The following CDC42SE2 variants were observed in gnomAD, a reference collection of about 807,000 sequenced individuals.
CDC42SE2 encodes the protein CDC42 small effector protein 2.
CDC42SE2 carries 3 observed loss-of-function variants against 11.5 expected under a neutral mutation model. The ratio of observed to expected loss-of-function variants is 0.26; its 90% CI spans 0.12 to 0.67. The LOEUF (loss-of-function observed/expected upper bound fraction) is 0.67. CDC42SE2 is among the 30% of genes least tolerant of loss of function. CDC42SE2 has a pLI of 0.80. For synonymous variants in CDC42SE2, 33 were observed against 34.8 expected (o/e 0.95, Z 0.18); for missense variants, 82 against 106.8 (o/e 0.77, Z 1.02).
the CDC42SE2 span, among the ~76,000 whole-genome samples, chr5:131,237,085 C>T: frequency 6.6e-6 from 1 of 152,158 alleles, no homozygotes; most frequent in African/African-American, 2.4e-5. Flanking sequence ...GCAGGGATCA[C>T]CTCATTTTAA....
intron 2 of CDC42SE2, among the ~76,000 whole-genome samples, chr5:131,344,612 A>C (rs913330796): frequency 6.6e-6 from 1 of 152,288 alleles, no homozygotes; most frequent in African/African-American, 2.4e-5. Flanking sequence ...AAACTTCTGC[A>C]CACTTAAACG....
intron 3 of CDC42SE2, among the ~76,000 whole-genome samples, chr5:131,367,554 C>T (rs1749895783): frequency 6.6e-6 from 1 of 152,114 alleles, no homozygotes; most frequent in Non-Finnish European, 1.5e-5. Context: ...GGTGGGATTT[C>T]ATGGTATTGT....
chr5:131,282,554 C>T (rs10478980), intron 1 of CDC42SE2, among the ~76,000 whole-genome samples: 116,644 of 151,668 alleles, frequency 0.77, 45,195 homozygotes, highest in African/African-American at 0.82. Context: ...TTTTTTTCTT[C>T]TTTGGGGGGA....
In CDC42SE2 at chr5:131,362,133, A is replaced by G. The variant is rs531024915; in HGVS notation, c.54+2586A>G. Reference sequence around the variant, plus strand: ...GCCATGGACCTGCCTTTCTCTACCCAGCACTTCCCTGTTCCCACTCCCATA... The same window carrying G: ...GCCATGGACCTGCCTTTCTCTACCCGGCACTTCCCTGTTCCCACTCCCATA... On this transcript the variant is annotated intron_variant, in intron 3 of 4. Coordinates refer to ENST00000505065, the MANE Select transcript of CDC42SE2 (RefSeq NM_001375635.1). Among the ~76,000 whole-genome samples, 7 of 152,068 alleles carry G rather than the reference A, an allele frequency of 4.6e-5. No homozygotes were observed. The South Asian group carries it at 1.5e-3, about 32-fold the overall frequency.
chr5:131,278,746 T>C (rs1377216131), intron 1 of CDC42SE2, among the ~76,000 whole-genome samples: 3 of 2,022 alleles, frequency 1.5e-3, no homozygotes, highest in Admixed American at 7.4e-3. Flanking sequence ...CCCCTCCCCC[T>C]CCCCTCCCCT....
At chr5:131,252,218 A>C (rs1305651256) in intron 1 of CDC42SE2, among the ~76,000 whole-genome samples, 1 of 152,206 alleles carries the variant, frequency 6.6e-6, no homozygotes, top group Non-Finnish European at 1.5e-5. Flanking sequence ...GACTATTTTA[A>C]AGTTCAAAGG....
chr5:131,245,623 T>C (rs1414379918), intron 1 of CDC42SE2: 4 of 152,224 alleles, frequency 2.6e-5, no homozygotes, highest in Non-Finnish European at 4.4e-5. Flanking sequence ...GTTATTCTCA[T>C]AATGTAATGG....
chr5:131,312,232 G>A (rs548824220), intron 1 of CDC42SE2, among the ~76,000 whole-genome samples: 30 of 151,954 alleles, frequency 2.0e-4, no homozygotes, highest in African/African-American at 7.2e-4. Flanking sequence ...CCCTGCTGGG[G>A]GGTGCCTCCC....
At chr5:131,314,437 C>T (rs1005774162) in intron 1 of CDC42SE2, among the ~76,000 whole-genome samples, 2 of 151,984 alleles carry the variant, frequency 1.3e-5, no homozygotes, top group African/African-American at 2.4e-5. Context: ...GACAGGGTCT[C>T]CCTGTGTTTC....
intron 2 of CDC42SE2, among the ~76,000 whole-genome samples, chr5:131,327,546 G>T (rs1269404542): frequency 6.6e-6 from 1 of 152,082 alleles, no homozygotes; most frequent in South Asian, 2.1e-4. Flanking sequence ...CATCATATTG[G>T]AATGATGTTT....
chr5:131,356,330 A>T (rs1459308588), intron 2 of CDC42SE2, among the ~76,000 whole-genome samples: 4 of 152,220 alleles, frequency 2.6e-5, no homozygotes, highest in African/African-American at 9.6e-5. Flanking sequence ...TAGTATAGTT[A>T]TTAGTGGCAG....
At chr5:131,216,613 G>T in the CDC42SE2 span, among the ~76,000 whole-genome samples, 4 of 152,016 alleles carry the variant, frequency 2.6e-5, no homozygotes, top group African/African-American at 9.7e-5. Context: ...GAGGATACAG[G>T]GATACAGTTT....
At chr5:131,302,185 CTT>C (rs770730295) in intron 1 of CDC42SE2, among the ~76,000 whole-genome samples, 2 of 140,506 alleles carry the variant, frequency 1.4e-5, no homozygotes, top group Non-Finnish European at 1.6e-5. Flanking sequence ...GTTTTGGTTG[CTT>C]TTTTTTTTTG....
chr5:131,320,246 G>A (rs530597942), intron 2 of CDC42SE2, among the ~76,000 whole-genome samples: 2 of 150,588 alleles, frequency 1.3e-5, no homozygotes, highest in East Asian at 3.9e-4. Flanking sequence ...AAAAAATTAA[G>A]TCAGGCGTGG....
chr5:131,226,586 A>G, the CDC42SE2 span, among the ~76,000 whole-genome samples: 2 of 152,206 alleles, frequency 1.3e-5, no homozygotes, highest in Admixed American at 6.5e-5. Flanking sequence ...ATTACAGAAC[A>G]CTGGCTTTAA....
In CDC42SE2 at chr5:131,359,927, C is replaced by T. The variant is rs911471452; in HGVS notation, c.54+380C>T. Among the ~76,000 whole-genome samples, 11 of 152,124 alleles carry T rather than the reference C, an allele frequency of 7.2e-5. 1 individual carries two copies. The highest frequency in any genetic ancestry group is 5.9e-4 in the Admixed American group (9 of 15,268). On this transcript the variant is annotated intron_variant, in intron 3 of 4. Transcript: ENST00000505065. Reference sequence around the variant, plus strand: ...TCATATTCCTCTCAGCTTACCATCTCATTTTCCTCAGAGCAACCCTCTGAG... The same window carrying T: ...TCATATTCCTCTCAGCTTACCATCTTATTTTCCTCAGAGCAACCCTCTGAG...
the CDC42SE2 span, among the ~76,000 whole-genome samples, chr5:131,224,015 C>A: frequency 6.6e-6 from 1 of 152,160 alleles, no homozygotes; most frequent in South Asian, 2.1e-4. Flanking sequence ...CACTTGGTTG[C>A]CAGGACAGCA....
chr5:131,273,584 C>T (rs1757038382), intron 1 of CDC42SE2, among the ~76,000 whole-genome samples: 1 of 150,598 alleles, frequency 6.6e-6, no homozygotes, highest in African/African-American at 2.4e-5. Context: ...TCCTGGCTAA[C>T]ATGGTGAAAC....
rs563934420 is a variant in CDC42SE2 at position 131,340,705 on chromosome 5, G to A, written c.-285-18504G>A. On this transcript the variant is annotated intron_variant, in intron 2 of 4. Transcript: ENST00000505065. ...TGAGTATCTTTTTTTTTTTTTCCAA[G>A]ACAGAGTGTCACTCTGTCATCCAGG... Among the ~76,000 whole-genome samples, 47 of 148,006 alleles carry A rather than the reference G, an allele frequency of 3.2e-4. No individual in the cohort carries two copies. The South Asian group carries it at 9.2e-3, about 29-fold the overall frequency.
Sources: gnomAD v4.1 joint callset for allele counts (sites outside exome capture counted in the v4.1 genomes callset) on GRCh38, gnomAD v4.1.1 for gene constraint, MANE v1.5 for transcripts, NCBI Gene and HGNC (gene_info 2026-07-23, HGNC 2026-07-21) for gene names.